Variants in JAK1 observed in about 807,000 individuals in gnomAD.
The protein encoded by JAK1 is tyrosine-protein kinase JAK1.
In JAK1, 16 loss-of-function variants were observed where a neutral mutation model predicts 136.6. That is an observed-to-expected ratio of 0.12 (90% CI 0.08 to 0.18). JAK1 has a LOEUF of 0.18. Among genes scored for constraint, JAK1 ranks in the 10% least tolerant of loss-of-function variants. The probability of loss-of-function intolerance (pLI) is 1.00; values close to 1 mark genes in which losing one functional copy is unlikely to be tolerated. For synonymous variants in JAK1, 492 were observed against 519.5 expected, an observed-to-expected ratio of 0.95 and a Z score of 0.72; for missense variants, 859 against 1,450.1, an observed-to-expected ratio of 0.59 and a Z score of 6.62.
At chr1:64,891,988 T>C (rs183702140) in intron 1 of JAK1, among the ~76,000 whole-genome samples, 2 of 152,386 alleles carry the variant, frequency 1.3e-5, no homozygotes, top group South Asian at 2.1e-4. Context: ...CTGCATTCAG[T>C]GAGAGACAGT....
intron 1 of JAK1, among the ~76,000 whole-genome samples, chr1:65,065,573 A>G (rs1040375270): frequency 6.6e-6 from 1 of 151,466 alleles, no homozygotes; most frequent in African/African-American, 2.4e-5. Flanking sequence ...TTAGAGGGAA[A>G]CGCTGTTGGA....
chr1:64,849,784 C>G (rs1348877968), intron 12 of JAK1, among the ~76,000 whole-genome samples: 2 of 152,200 alleles, frequency 1.3e-5, no homozygotes, highest in Non-Finnish European at 2.9e-5. Flanking sequence ...CAGACTATGT[C>G]AAGTTCTACA....
At chr1:64,978,486 G>A (rs1646515987) in intron 2 of JAK1, among the ~76,000 whole-genome samples, 1 of 152,110 alleles carries the variant, frequency 6.6e-6, no homozygotes, top group Non-Finnish European at 1.5e-5. Flanking sequence ...GGCTTTCGTG[G>A]TTCCTATAAT....
chr1:64,849,860 G>A (rs1031562439), intron 12 of JAK1, among the ~76,000 whole-genome samples: 4 of 152,330 alleles, frequency 2.6e-5, no homozygotes, highest in South Asian at 2.1e-4. Context: ...CTCACACCAC[G>A]AGAGGAATAG....
intron 1 of JAK1, among the ~76,000 whole-genome samples, chr1:64,935,456 C>G (rs1055408598): frequency 6.6e-6 from 1 of 152,144 alleles, no homozygotes; most frequent in African/African-American, 2.4e-5. Context: ...TGTGCCACCA[C>G]GCCCAGCTAA....
chr1:64,874,325 T>C (rs371881253), intron 4 of JAK1, among the ~76,000 whole-genome samples: 2 of 152,138 alleles, frequency 1.3e-5, no homozygotes, highest in African/African-American at 4.8e-5. Flanking sequence ...TTTTGGAGAT[T>C]TGCAACAGTT....
chr1:65,025,904 C>T (rs896299828), intron 2 of JAK1, among the ~76,000 whole-genome samples: 1 of 152,092 alleles, frequency 6.6e-6, no homozygotes, highest in Non-Finnish European at 1.5e-5. Context: ...CTCTTGTACT[C>T]CTGGACTCAA....
chr1:64,976,161 G>A (rs546667686), intron 2 of JAK1, among the ~76,000 whole-genome samples: 15 of 152,244 alleles, frequency 9.9e-5, no homozygotes, highest in Non-Finnish European at 1.5e-4. Flanking sequence ...CCATATAGAG[G>A]TCTCTGATTC....
chr1:65,002,092 A>G (rs1270329782), intron 2 of JAK1, among the ~76,000 whole-genome samples: 2 of 152,124 alleles, frequency 1.3e-5, no homozygotes, highest in African/African-American at 4.8e-5. Flanking sequence ...CAAGATTGAA[A>G]ACTGAGGCTC....
chr1:64,904,278 C>T (rs539381922), intron 1 of JAK1, among the ~76,000 whole-genome samples: 4 of 152,252 alleles, frequency 2.6e-5, no homozygotes, highest in East Asian at 1.9e-4. Context: ...AATGAAGTAT[C>T]GCATTCAATT....
At chr1:64,848,258 G>T (rs574256108) in intron 12 of JAK1, among the ~76,000 whole-genome samples, 2 of 152,214 alleles carry the variant, frequency 1.3e-5, no homozygotes, top group South Asian at 2.1e-4. Context: ...AGGCACACGG[G>T]GGGATGCGTA....
chr1:64,860,981 T>TGTGTGTGTGG (rs1656294523), intron 8 of JAK1, among the ~76,000 whole-genome samples: 1 of 130,936 alleles, frequency 7.6e-6, no homozygotes, highest in Non-Finnish European at 1.6e-5. Context: ...TGTGTGTGTG[T>TGTGTGTGTGG]TGGGGGTGAC....
Position 64,841,575 on chromosome 1 carries a change from G to A in JAK1, c.2430C>T (p.Cys810=), listed in dbSNP as rs371560215. The change falls in exon 18 of 25, where the codon TGC becomes TGT. Residue 810 remains cysteine (C), a synonymous_variant. Coordinates refer to ENST00000342505, the MANE Select transcript of JAK1 (RefSeq NM_002227.4). ...CCTTACATGATGGTGTCACTGGCCT[G>A]CACCGGCTTTCATAGAATCTCTCTT... ...IEKERFYESR[C]RPVTPSCKEL... 2 of 1,613,992 alleles carry A rather than the reference G, an allele frequency of 1.2e-6. No homozygotes were observed. Among genetic ancestry groups the A allele is most frequent in the African/African-American group, 2.7e-5 (2 of 74,920 alleles).
In JAK1 at chr1:64,909,647, C is replaced by T. The variant is rs144437124; in HGVS notation, c.-77-23306G>A. 1.0e-2 allele frequency among the ~76,000 whole-genome samples: 1,206 copies of T among 121,112 alleles called. 10 individuals are homozygous for T. Among genetic ancestry groups the T allele is most frequent in the African/African-American group, 0.034 (1,157 of 33,832 alleles). 79.5% of individuals were successfully genotyped at this position (121,112 alleles called of 152,430 possible). A position where few individuals can be genotyped will look rare whatever the true frequency, so the allele number is the denominator to read the frequency against. ...ACCAGCCTAGGCAACATAGTGAAAC[C>T]CCCTCTCTCCAAAAAAAAAAAAAAA... is the stretch of plus-strand genomic sequence containing the variant. On this transcript the variant is annotated intron_variant, in intron 1 of 24. Transcript: ENST00000342505.
intron 2 of JAK1, among the ~76,000 whole-genome samples, chr1:65,001,998 G>C (rs1646762756): frequency 6.6e-6 from 1 of 151,672 alleles, no homozygotes; most frequent in African/African-American, 2.4e-5. Flanking sequence ...TATATCAGGC[G>C]TCCCCGAGAT....
intron 1 of JAK1, among the ~76,000 whole-genome samples, chr1:64,923,451 A>G (rs946469933): frequency 2.6e-5 from 4 of 152,198 alleles, no homozygotes; most frequent in African/African-American, 9.7e-5. Context: ...GTTAACAGAT[A>G]ATTTTAGCTT....
intron 1 of JAK1, among the ~76,000 whole-genome samples, chr1:64,905,614 C>G (rs1257574166): frequency 1.3e-5 from 2 of 152,184 alleles, no homozygotes; most frequent in Non-Finnish European, 2.9e-5. Context: ...ATTTACACAT[C>G]TACACATTGG....
intron 1 of JAK1, among the ~76,000 whole-genome samples, chr1:64,957,669 G>T (rs1343938283): frequency 6.6e-6 from 1 of 151,804 alleles, no homozygotes; most frequent in Non-Finnish European, 1.5e-5. Flanking sequence ...AATTAGCCGG[G>T]CGTGGTGGCG....
chr1:65,023,913 C>CTTT, intron 2 of JAK1, among the ~76,000 whole-genome samples: 1 of 119,346 alleles, frequency 8.4e-6, no homozygotes, highest in Non-Finnish European at 1.7e-5. Flanking sequence ...TAGATTCATC[C>CTTT]TTTTTTTTTT....
Sources: gnomAD v4.1 joint callset for allele counts (sites outside exome capture counted in the v4.1 genomes callset) on GRCh38, gnomAD v4.1.1 for gene constraint, MANE v1.5 for transcripts, NCBI Gene and HGNC (gene_info 2026-07-23, HGNC 2026-07-21) for gene names.